The following RNASET2 variants were observed in gnomAD, a reference collection of about 807,000 sequenced individuals.
The protein encoded by RNASET2 is ribonuclease 6.
A neutral mutation model predicts 33.9 loss-of-function variants in RNASET2; 28 were observed. The ratio of observed to expected loss-of-function variants is 0.83; its 90% CI spans 0.61 to 1.13. The LOEUF is 1.13. Among genes scored for constraint, RNASET2 ranks in the 50% most tolerant of loss-of-function variants. The probability of loss-of-function intolerance (pLI) is 0.00; values close to 1 mark genes in which losing one functional copy is unlikely to be tolerated. For missense variants in RNASET2, 330 were observed against 319.9 expected, an observed-to-expected ratio of 1.03 and a Z score of -0.24; for synonymous variants, 123 against 121.0, an observed-to-expected ratio of 1.02 and a Z score of -0.11.
chr6:166,955,269 ACG>A lies in RNASET2; in HGVS notation c.86+826_86+827del, dbSNP rs1338995177. ...CACACGCACACACGCACACACACACACGCGCACACACGACACACACGCACAGA... is the reference window on the plus strand; with the variant it reads ...CACACGCACACACGCACACACACACACGCACACACGACACACACGCACAGA... On this transcript the variant is annotated intron_variant, in intron 1 of 8. Coordinates refer to ENST00000508775, the MANE Select transcript of RNASET2 (RefSeq NM_003730.6). Among the ~76,000 whole-genome samples the A allele has an allele frequency of 4.2e-4, 37 of 87,234 alleles. 1 individual carries two copies. Among genetic ancestry groups the A allele is most frequent in the African/African-American group, 1.7e-3 (32 of 18,868 alleles). 57.2% of individuals were successfully genotyped at this position (87,234 alleles called of 152,430 possible).
Position 166,922,325 on chromosome 6 carries a change from T to A in RNASET2, c.*7263A>T, listed in dbSNP as rs941569435. On this transcript the variant is annotated 3_prime_UTR_variant, in exon 9 of 9. Coordinates refer to ENST00000508775, the MANE Select transcript of RNASET2 (RefSeq NM_003730.6). ...AAAGCCTGTTTCGTTGGTGTTTGCCTGATAATATCTTACACCTCATCTCTC... is the reference window on the plus strand; with the variant it reads ...AAAGCCTGTTTCGTTGGTGTTTGCCAGATAATATCTTACACCTCATCTCTC... Among the ~76,000 whole-genome samples, 1 of 152,222 alleles carries A rather than the reference T, an allele frequency of 6.6e-6. No individual in the cohort carries two copies. The highest frequency in any genetic ancestry group is 6.5e-5 in the Admixed American group (1 of 15,284).
In RNASET2 at chr6:166,922,678, T is replaced by A. The variant is rs891143051; in HGVS notation, c.*6910A>T. On this transcript the variant is annotated 3_prime_UTR_variant, in exon 9 of 9. Coordinates refer to ENST00000508775, the MANE Select transcript of RNASET2 (RefSeq NM_003730.6). ...TGAATCTTGTACATGACTTTTGATG[T>A]ATGTTGTTATCTTTGGGCCACTGCT... Among the ~76,000 whole-genome samples the A allele has an allele frequency of 5.3e-5, 8 of 152,246 alleles. No individual in the cohort carries two copies. The highest frequency in any genetic ancestry group is 1.7e-4 in the African/African-American group (7 of 41,458).
In RNASET2 at chr6:166,956,251, G is replaced by A. The variant is rs1350996201; in HGVS notation, c.-69C>T. On this transcript the variant is annotated 5_prime_UTR_variant, in exon 1 of 9. Coordinates refer to ENST00000508775, the MANE Select transcript of RNASET2 (RefSeq NM_003730.6). ...TCCCACTTCCCACCTGCTGCCCGAG[G>A]AAGACTTCCGGGAGAAACGCTGTCT... is the stretch of plus-strand genomic sequence containing the variant. The A allele has an allele frequency of 3.6e-6, 5 of 1,387,784 alleles. No individual in the cohort carries two copies. The highest frequency in any genetic ancestry group is 2.9e-5 in the African/African-American group (2 of 69,784). 86.0% of individuals were successfully genotyped at this position (1,387,784 alleles called of 1,614,324 possible).
rs763197218 is a variant in RNASET2 at position 166,951,899 on chromosome 6, G to A, written c.147+589C>T. On this transcript the variant is annotated intron_variant, in intron 2 of 8. Coordinates refer to ENST00000508775, the MANE Select transcript of RNASET2 (RefSeq NM_003730.6). ...ACTGAGGCTTGCTGTGGGTTGAACC[G>A]TGTCCTCCCAGAAGATATATCCCTG... 7.9e-5 allele frequency among the ~76,000 whole-genome samples: 12 copies of A among 152,260 alleles called. No individual in the cohort carries two copies. In the East Asian group the frequency reaches 2.3e-3, roughly 29 times the overall value.
chr6:166,926,039 T>G lies in RNASET2; in HGVS notation c.*3549A>C, dbSNP rs890501873. ...GTCCAGCACTGACAGTCAGGTGGCG[T>G]GGCAGTCAATGCATGGCCCAGATGG... On this transcript the variant is annotated 3_prime_UTR_variant, in exon 9 of 9. Transcript: ENST00000508775. Among the ~76,000 whole-genome samples, 3 of 152,140 alleles carry G rather than the reference T, an allele frequency of 2.0e-5. No individual in the cohort carries two copies. The highest frequency in any genetic ancestry group is 4.4e-5 in the Non-Finnish European group (3 of 68,008).
intron 5 of RNASET2, among the ~76,000 whole-genome samples, chr6:166,942,435 G>A (rs1369017204): frequency 6.6e-6 from 1 of 152,190 alleles, no homozygotes; most frequent in African/African-American, 2.4e-5. Context: ...CTAATTCTTA[G>A]ATATGCAAGC....
At chr6:166,950,141 G>C (rs1217267722) in intron 2 of RNASET2, among the ~76,000 whole-genome samples, 1 of 152,182 alleles carries the variant, frequency 6.6e-6, no homozygotes, top group African/African-American at 2.4e-5. Flanking sequence ...AGAGCAGCCT[G>C]GTCTCAGGCC....
Position 166,955,373 on chromosome 6 carries a change from ACGCACACG to A in RNASET2, c.86+716_86+723del, listed in dbSNP as rs1405490426. The A allele has an allele frequency of 5.0e-5, 12 of 242,364 alleles. 1 individual carries two copies. Among genetic ancestry groups the A allele is most frequent in the Non-Finnish European group, 5.7e-5 (12 of 209,530 alleles). 15.0% of individuals were successfully genotyped at this position (242,364 alleles called of 1,614,324 possible). A position where few individuals can be genotyped will look rare whatever the true frequency, so the allele number is the denominator to read the frequency against. Reference sequence around the variant, plus strand: ...CACGCACACACACACGCACACACAAACGCACACGCACACACACACACGCGCACACACAC... The same window carrying A: ...CACGCACACACACACGCACACACAAACACACACACACACGCGCACACACAC... On this transcript the variant is annotated intron_variant, in intron 1 of 8. Coordinates refer to ENST00000508775, the MANE Select transcript of RNASET2 (RefSeq NM_003730.6).
chr6:166,949,003 T>C (rs1778914563), intron 2 of RNASET2, among the ~76,000 whole-genome samples: 1 of 151,786 alleles, frequency 6.6e-6, no homozygotes. Context: ...TCACCTGAGG[T>C]CAGGAGTTCC....
Position 166,928,444 on chromosome 6 carries a change from GT to G in RNASET2, c.*1143del, listed in dbSNP as rs67709006. ...AATATTCACAGGCATTGATACAGCT[GT>G]TTTTTTTTTTTTTGTAAATTATGCT... On this transcript the variant is annotated 3_prime_UTR_variant, in exon 9 of 9. Transcript: ENST00000508775. Among the ~76,000 whole-genome samples, 269 of 144,724 alleles carry G rather than the reference GT, an allele frequency of 1.9e-3. 1 individual carries two copies. Among genetic ancestry groups the G allele is most frequent in the African/African-American group, 6.6e-3 (257 of 38,916 alleles). The allele number at this position is 144,724 out of a possible 152,430, so 94.9% of individuals were successfully genotyped here.
At chr6:166,949,052 T>C (rs1189202925) in intron 2 of RNASET2, among the ~76,000 whole-genome samples, 1 of 150,948 alleles carries the variant, frequency 6.6e-6, no homozygotes, top group Non-Finnish European at 1.5e-5. Context: ...CCATCTCTAC[T>C]AAAAATACAA....
At chr6:166,955,179 A>ACGCACACACACG (rs1554269938) in intron 1 of RNASET2, among the ~76,000 whole-genome samples, 26 of 116,710 alleles carry the variant, frequency 2.2e-4, no homozygotes, top group African/African-American at 9.6e-4. Flanking sequence ...CGGCTGCCAC[A>ACGCACACACACG]CACACACACG....
chr6:166,953,078 T>TCATTTGATTTTAGGGTGCTACTTC, intron 1 of RNASET2: 1 of 204,970 alleles, frequency 4.9e-6, no homozygotes, highest in South Asian at 8.3e-5. Flanking sequence ...AGAATTTGTG[T>TCATTTGATTTTAGGGTGCTACTTC]CATTTGATTT....
At chr6:166,940,765 G>A (rs956145516) in intron 5 of RNASET2, among the ~76,000 whole-genome samples, 3 of 151,640 alleles carry the variant, frequency 2.0e-5, no homozygotes, top group African/African-American at 4.8e-5. Flanking sequence ...GCATCAGAAC[G>A]GTCAGTCACC....
intron 5 of RNASET2, 54 bp from the exon 6 acceptor site, chr6:166,939,062 AG>A: frequency 1.5e-6 from 2 of 1,297,322 alleles, no homozygotes; most frequent in Non-Finnish European, 2.2e-6. Flanking sequence ...GGCTGCGTGC[AG>A]TGGCTCATGC....
At chr6:166,936,757 G>T (rs1488359877) in intron 6 of RNASET2, among the ~76,000 whole-genome samples, 1 of 152,198 alleles carries the variant, frequency 6.6e-6, no homozygotes, top group East Asian at 1.9e-4. Context: ...GAGATTTGGT[G>T]GGGATAAACC....
chr6:166,955,669 C>G, intron 1 of RNASET2: 1 of 1,050,128 alleles, frequency 9.5e-7, no homozygotes, highest in Non-Finnish European at 1.2e-6. Context: ...CTGGAGTGTA[C>G]CCAGGACCTC....
rs71571466 is a variant in RNASET2, at chr6:166,929,279, G to A, written c.*309C>T. On this transcript the variant is annotated 3_prime_UTR_variant, in exon 9 of 9. Transcript: ENST00000508775. ...CTCGAGCAAGAGAGTCCCCTGAATC[G>A]GTGCCATCTGTCTAAATTCCAAGTA... Among the ~76,000 whole-genome samples the A allele has an allele frequency of 0.041, 6,272 of 152,210 alleles. 166 individuals are homozygous for A. The highest frequency in any genetic ancestry group is 0.059 in the Non-Finnish European group (4,031 of 68,012).
chr6:166,925,249 A>C lies in RNASET2; in HGVS notation c.*4339T>G, dbSNP rs1002853347. ...CCTTGCTGTCCAGCCGACACCTACGATGCGCAGTCCATGTCTCCGCTGCCC... is the reference window on the plus strand; with the variant it reads ...CCTTGCTGTCCAGCCGACACCTACGCTGCGCAGTCCATGTCTCCGCTGCCC... On this transcript the variant is annotated 3_prime_UTR_variant, in exon 9 of 9. Transcript: ENST00000508775. Among the ~76,000 whole-genome samples, 2 of 137,982 alleles carry C rather than the reference A, an allele frequency of 1.4e-5. No individual in the cohort carries two copies. The highest frequency in any genetic ancestry group is 1.5e-4 in the Admixed American group (2 of 13,686). 90.5% of individuals were successfully genotyped at this position (137,982 alleles called of 152,430 possible).
Sources: gnomAD v4.1 joint callset for allele counts (sites outside exome capture counted in the v4.1 genomes callset) on GRCh38, gnomAD v4.1.1 for gene constraint, MANE v1.5 for transcripts, NCBI Gene and HGNC (gene_info 2026-07-23, HGNC 2026-07-21) for gene names.